The following PSD4 variants were observed in gnomAD, a reference collection of about 807,000 sequenced individuals.
The protein encoded by PSD4 is PH and SEC7 domain-containing protein 4.
Under a neutral mutation model 112.5 loss-of-function variants are expected in PSD4, and 59 were observed. That is an observed-to-expected ratio of 0.52 (90% CI 0.43 to 0.65). PSD4 has a LOEUF of 0.65. PSD4 is among the 30% of genes least tolerant of loss of function. PSD4 has a pLI of 0.00. For synonymous variants in PSD4, 533 were observed against 540.0 expected (o/e 0.99, Z 0.18); for missense variants, 1,267 against 1,352.6 (o/e 0.94, Z 0.99).
rs1004687795 is a variant in PSD4 at position 113,208,842 on chromosome 2, T to G, written c.*7427T>G. ...TCATGGTCATGGGCTAATCTGTATA[T>G]GAAAACCCACTTGAAAGAAATCCCA... On this transcript the variant is annotated 3_prime_UTR_variant, in exon 17 of 17. Transcript: ENST00000245796. The G allele has an allele frequency of 5.3e-5, 8 of 152,240 alleles. No homozygotes were observed. Among genetic ancestry groups the G allele is most frequent in the African/African-American group, 1.9e-4 (8 of 41,458 alleles). The allele number at this position is 152,240 out of a possible 1,614,324, so 9.4% of individuals were successfully genotyped here. A position where few individuals can be genotyped will look rare whatever the true frequency, so the allele number is the denominator to read the frequency against.
At chr2:113,200,340 A>C (rs1194631652) in intron 16 of PSD4, among the ~76,000 whole-genome samples, 2 of 152,184 alleles carry the variant, frequency 1.3e-5, no homozygotes, top group Non-Finnish European at 2.9e-5. Flanking sequence ...CAATGTGAAA[A>C]TAGAGGGAAT....
Position 113,183,304 on chromosome 2 carries a change from G to T in PSD4, c.848G>T (p.Ser283Ile), listed in dbSNP as rs112233668. The change falls in exon 2 of 17, where the codon AGC (serine) becomes ATC (isoleucine). Residue 283 changes from serine to isoleucine, a missense_variant. Coordinates refer to ENST00000245796, the MANE Select transcript of PSD4 (RefSeq NM_012455.3). ...SHAGVRTGPE[S>I]PATLEPPLPE... is the part of the protein sequence containing the mutation. ...GCAGGTGTGAGGACTGGACCTGAGA[G>T]CCCAGCGACTCTGGAGCCTCCCCTC... 1.2e-6 allele frequency: 2 copies of T among 1,611,456 alleles called. No homozygotes were observed. The highest frequency in any genetic ancestry group is 1.3e-5 in the African/African-American group (1 of 74,876).
Position 113,206,480 on chromosome 2 carries a change from C to T in PSD4, c.*5065C>T, listed in dbSNP as rs1688865137. 1 of 152,298 alleles carries T rather than the reference C, an allele frequency of 6.6e-6. No individual in the cohort carries two copies. Among genetic ancestry groups the T allele is most frequent in the Non-Finnish European group, 1.5e-5 (1 of 68,072 alleles). 9.4% of individuals were successfully genotyped at this position (152,298 alleles called of 1,614,324 possible). The stretch of plus-strand genomic sequence containing the variant: ...TGTGATCATCTACCAGACCCTGCAC[C>T]CAGGCTCAGCCTGATCTTGCCCCAG... On this transcript the variant is annotated 3_prime_UTR_variant, in exon 17 of 17. Transcript: ENST00000245796.
intron 1 of PSD4, among the ~76,000 whole-genome samples, chr2:113,179,026 C>A (rs925730351): frequency 6.6e-6 from 1 of 152,128 alleles, no homozygotes; most frequent in East Asian, 1.9e-4. Context: ...TCTTCCTAGT[C>A]ATTTATTATA....
At chr2:113,183,827 C>T (rs754775872) in intron 2 of PSD4, among the ~76,000 whole-genome samples, 2 of 152,204 alleles carry the variant, frequency 1.3e-5, no homozygotes, top group Non-Finnish European at 1.5e-5. Flanking sequence ...CCAATTGCAG[C>T]ATGTTCCAGG....
intron 1 of PSD4, among the ~76,000 whole-genome samples, chr2:113,181,203 G>A (rs918936565): frequency 2.7e-5 from 4 of 149,960 alleles, no homozygotes; most frequent in East Asian, 2.0e-4. Context: ...ACTCCAACCC[G>A]GGTGACAGAG....
chr2:113,184,940 C>G lies in PSD4; in HGVS notation c.1057-17C>G. 2 of 1,613,770 alleles carry G rather than the reference C, an allele frequency of 1.2e-6. No individual in the cohort carries two copies. The highest frequency in any genetic ancestry group is 1.7e-4 in the Middle Eastern group (1 of 5,798). ...TCTCCTCTCCTTCTCTCCTCTGTCTCTCTCTCGACTTCTCAGGGAGATAGG... is the reference window on the plus strand; with the variant it reads ...TCTCCTCTCCTTCTCTCCTCTGTCTGTCTCTCGACTTCTCAGGGAGATAGG... On this transcript the variant is annotated splice_polypyrimidine_tract_variant and intron_variant, in intron 2 of 16. Coordinates refer to ENST00000245796, the MANE Select transcript of PSD4 (RefSeq NM_012455.3).
chr2:113,176,480 G>A (rs1210388702), intron 1 of PSD4, among the ~76,000 whole-genome samples: 1 of 152,178 alleles, frequency 6.6e-6, no homozygotes, highest in Non-Finnish European at 1.5e-5. Context: ...TGCTCAAGAA[G>A]AGTGGCTGGT....
intron 4 of PSD4, 137 bp from the exon 5 acceptor site, chr2:113,185,740 G>C (rs1359428082): frequency 2.6e-6 from 4 of 1,549,570 alleles, no homozygotes; most frequent in Non-Finnish European, 3.5e-6. Context: ...AGTGGGAGAG[G>C]TCACTGCCCG....
At position 113,201,201 on chromosome 2, in the gene PSD4, T is replaced by G. The variant is rs777318531; in HGVS notation, c.2957T>G (p.Leu986Arg). The change falls in exon 17 of 17, where the codon CTG becomes CGG. Residue 986 changes from leucine to arginine, a missense_variant. Physicochemically the swap from Leu to Arg is moderately radical, Grantham distance 102. Around this residue, in one of 2 missense-constraint regions of PSD4, gnomAD observed 544 missense variants for 648.6 expected, o/e 0.84. Transcript: ENST00000245796. ...TACGTGCAGCTGCTGGTGGCCCGCCTGCACTGCCCCTCTGATGCTCTGGAC... is the reference window on the plus strand; with the variant it reads ...TACGTGCAGCTGCTGGTGGCCCGCCGGCACTGCCCCTCTGATGCTCTGGAC... ...ETYVQLLVAR[L>R]HCPSDALDLW... 33 of 1,613,768 alleles carry G rather than the reference T, an allele frequency of 2.0e-5. No homozygotes were observed. The highest frequency in any genetic ancestry group is 2.7e-5 in the Non-Finnish European group (32 of 1,179,856).
At chr2:113,177,086 G>T (rs1255860946) in intron 1 of PSD4, among the ~76,000 whole-genome samples, 1 of 152,200 alleles carries the variant, frequency 6.6e-6, no homozygotes, top group Admixed American at 6.5e-5. Context: ...CTTTCTGTTC[G>T]GGTTGCTGCC....
At chr2:113,186,351 T>A in intron 5 of PSD4, 96 bp downstream of exon 5, 1 of 1,282,718 alleles carries the variant, frequency 7.8e-7, no homozygotes, top group Non-Finnish European at 1.1e-6. Context: ...ACATTGGAAT[T>A]AAACATACCC....
chr2:113,198,584 C>G (rs1688676945), intron 14 of PSD4, 156 bp from the exon 15 acceptor site: 4 of 862,216 alleles, frequency 4.6e-6, no homozygotes, highest in Non-Finnish European at 6.6e-6. Flanking sequence ...ATGCCACGGT[C>G]AGAGGTCGGG....
intron 12 of PSD4, 100 bp downstream of exon 12, chr2:113,196,407 G>A (rs7603621): frequency 0.22 from 319,130 of 1,424,012 alleles, 38,485 homozygotes; most frequent in African/African-American, 0.45. Flanking sequence ...GACAGCCCGC[G>A]TTGAGGACAG....
At chr2:113,189,242 T>C (rs574824172) in intron 5 of PSD4, among the ~76,000 whole-genome samples, 1 of 152,016 alleles carries the variant, frequency 6.6e-6, no homozygotes, top group African/African-American at 2.4e-5. Flanking sequence ...CATTAATTCA[T>C]TCCTTTTTAT....
At position 113,183,458 on chromosome 2, in the gene PSD4, A is replaced by C; in HGVS notation, c.1002A>C (p.Ser334=). 1 of 1,591,328 alleles carries C rather than the reference A, an allele frequency of 6.3e-7. No homozygotes were observed. Among genetic ancestry groups the C allele is most frequent in the East Asian group, 2.2e-5 (1 of 44,754 alleles). ...AACCACACTCCATCTGCTGGGCCTC[A>C]GTGGCTGCCGCTGAGGGGGCTCCTG... The part of the protein sequence containing the change: ...IYKPHSICWA[S]VAAAEGAPAA... The change falls in exon 2 of 17, where the codon TCA becomes TCC. Residue 334 remains serine (S), a synonymous_variant. Coordinates refer to ENST00000245796, the MANE Select transcript of PSD4 (RefSeq NM_012455.3).
In PSD4 at chr2:113,201,346, G is replaced by A. The variant is rs1162754604; in HGVS notation, c.3102G>A (p.Val1034=). 2 of 1,614,188 alleles carry A rather than the reference G, an allele frequency of 1.2e-6. No homozygotes were observed. The highest frequency in any genetic ancestry group is 1.7e-6 in the Non-Finnish European group (2 of 1,180,030). The change falls in exon 17 of 17, where the codon GTG becomes GTA. Residue 1034 remains valine, a synonymous_variant. Coordinates refer to ENST00000245796, the MANE Select transcript of PSD4 (RefSeq NM_012455.3). The part of the protein sequence containing the change: ...HQDEAPTTAK[V]KRNISERRTY... ...ATGAGGCTCCCACCACGGCCAAGGT[G>A]AAGCGCAACATCTCAGAGCGCAGAA...
rs1688171976 is a variant in PSD4, at chr2:113,182,651, C to T, written c.195C>T (p.Pro65=). ...AACCTACCAGACAAAATGTTCCTCCCTGGGGCTCCGGTGTGGAGCTCACAC... is the reference window on the plus strand; with the variant it reads ...AACCTACCAGACAAAATGTTCCTCCTTGGGGCTCCGGTGTGGAGCTCACAC... ...PPEPTRQNVP[P]WGSGVELTHL... The change falls in exon 2 of 17, where the codon CCC becomes CCT. Residue 65 remains proline, a synonymous_variant. Coordinates refer to ENST00000245796, the MANE Select transcript of PSD4 (RefSeq NM_012455.3). The T allele has an allele frequency of 6.2e-7, 1 of 1,613,886 alleles. No homozygotes were observed. The highest frequency in any genetic ancestry group is 1.3e-5 in the African/African-American group (1 of 75,046).
chr2:113,185,980 T>C lies in PSD4; in HGVS notation c.1353T>C (p.Ser451=). The C allele has an allele frequency of 2.5e-6, 4 of 1,614,090 alleles. No homozygotes were observed. The highest frequency in any genetic ancestry group is 3.4e-6 in the Non-Finnish European group (4 of 1,179,938). Residue 451 remains serine, a synonymous_variant, in exon 5 of 17, where the codon TCT becomes TCC. Coordinates refer to ENST00000245796, the MANE Select transcript of PSD4 (RefSeq NM_012455.3). The stretch of plus-strand genomic sequence containing the variant: ...CTCCAGAGCCTAGCAGCCCAGAATC[T>C]GAGAGCAGAGGCCCTGGTCCCAGGC... The part of the protein sequence containing the change: ...ASSPEPSSPE[S]ESRGPGPRPS...
Sources: allele counts gnomAD v4.1 joint callset (sites outside exome capture counted in the v4.1 genomes callset), GRCh38; gene constraint gnomAD v4.1.1; regional missense constraint gnomAD v4.1.1; transcripts MANE v1.5; gene names NCBI Gene and HGNC (gene_info 2026-07-23, HGNC 2026-07-21).